The following CADM1 variants were observed in gnomAD, a reference collection of about 807,000 sequenced individuals.
CADM1 encodes the protein cell adhesion molecule 1, also known as TSLC-1.
In CADM1, 15 loss-of-function variants were observed where a neutral mutation model predicts 53.1. The observed-to-expected ratio is 0.28, with a 90% CI of 0.19 to 0.44. The LOEUF (loss-of-function observed/expected upper bound fraction) is 0.44, where lower values mean the gene tolerates loss of function less well. CADM1 is among the 20% of genes least tolerant of loss of function. The pLI, the probability that CADM1 is intolerant of heterozygous loss-of-function variation, is 1.00. For missense variants in CADM1, 434 were observed against 611.3 expected (o/e 0.71, Z 3.06); for synonymous variants, 281 against 243.0 (o/e 1.16, Z -1.45).
intron 1 of CADM1, among the ~76,000 whole-genome samples, chr11:115,391,605 C>G (rs1946838295): frequency 6.6e-6 from 1 of 152,174 alleles, no homozygotes; most frequent in Admixed American, 6.5e-5. Context: ...TCAACACCTG[C>G]ATCATGAAAA....
chr11:115,458,139 CT>C (rs1948718914), intron 1 of CADM1, among the ~76,000 whole-genome samples: 3 of 151,792 alleles, frequency 2.0e-5, no homozygotes, highest in Non-Finnish European at 4.4e-5. Context: ...CTCTCTCTCT[CT>C]CTAATTACAC....
chr11:115,410,084 T>C (rs1391382929), intron 1 of CADM1, among the ~76,000 whole-genome samples: 1 of 152,224 alleles, frequency 6.6e-6, no homozygotes, highest in African/African-American at 2.4e-5. Context: ...TGTTAGTTAT[T>C]GGGCCCTTGG....
intron 1 of CADM1, among the ~76,000 whole-genome samples, chr11:115,331,069 A>C (rs1051665777): frequency 6.6e-6 from 1 of 152,186 alleles, no homozygotes; most frequent in Non-Finnish European, 1.5e-5. Context: ...ATCTGATTTC[A>C]ACTACAGGAA....
chr11:115,490,047 C>T (rs1039209885), intron 1 of CADM1, among the ~76,000 whole-genome samples: 18 of 152,268 alleles, frequency 1.2e-4, no homozygotes, highest in Middle Eastern at 3.4e-3. Flanking sequence ...AGAGGGTAAG[C>T]CTCACCTTTA....
intron 1 of CADM1, among the ~76,000 whole-genome samples, chr11:115,360,756 A>T (rs1469095052): frequency 6.6e-6 from 1 of 152,206 alleles, no homozygotes; most frequent in Non-Finnish European, 1.5e-5. Context: ...AAGGCAATTC[A>T]CACGTTTTCA....
intron 1 of CADM1, among the ~76,000 whole-genome samples, chr11:115,280,387 G>T (rs915465785): frequency 2.0e-5 from 3 of 152,166 alleles, no homozygotes; most frequent in Admixed American, 2.0e-4. Context: ...TTTCTTTCTA[G>T]AGGGGTTATA....
At chr11:115,318,809 G>A (rs1944743464) in intron 1 of CADM1, among the ~76,000 whole-genome samples, 1 of 152,134 alleles carries the variant, frequency 6.6e-6, no homozygotes, top group African/African-American at 2.4e-5. Context: ...CCAGCCTGTT[G>A]GAATAGGTAG....
intron 11 of CADM1, 55 bp downstream of exon 11, chr11:115,178,589 C>T: frequency 6.3e-7 from 1 of 1,578,016 alleles, no homozygotes; most frequent in East Asian, 2.3e-5. Context: ...TGTAAAGTCT[C>T]CAAAGGCAGA....
chr11:115,451,083 A>AGTGTAGTCATTGGCTTCAGTTT (rs1948561888), intron 1 of CADM1, among the ~76,000 whole-genome samples: 1 of 152,246 alleles, frequency 6.6e-6, no homozygotes, highest in African/African-American at 2.4e-5. Flanking sequence ...ATCTGGAAAT[A>AGTGTAGTCATTGGCTTCAGTTT]AAAATACTGC....
intron 1 of CADM1, among the ~76,000 whole-genome samples, chr11:115,414,726 AT>A (rs1265660280): frequency 0.019 from 1 of 54 alleles, no homozygotes; most frequent in Non-Finnish European, 0.038. Context: ...GGCATTTGTC[AT>A]CCAACTTGTC....
chr11:115,426,427 T>A (rs1029120075), intron 1 of CADM1, among the ~76,000 whole-genome samples: 1 of 152,080 alleles, frequency 6.6e-6, no homozygotes, highest in Non-Finnish European at 1.5e-5. Flanking sequence ...GTAGGGGAAG[T>A]GGGGTGCACA....
chr11:115,245,222 T>C (rs1373819785), intron 1 of CADM1, among the ~76,000 whole-genome samples: 1 of 152,200 alleles, frequency 6.6e-6, no homozygotes, highest in Non-Finnish European at 1.5e-5. Flanking sequence ...GAAAACCTTC[T>C]GCTCTATGGA....
chr11:115,324,630 T>C (rs527635594), intron 1 of CADM1, among the ~76,000 whole-genome samples: 15 of 152,280 alleles, frequency 9.9e-5, no homozygotes, highest in African/African-American at 2.9e-4. Context: ...CCTCATTCCA[T>C]AGCCAAGAAA....
chr11:115,378,995 G>A (rs896776864), intron 1 of CADM1, among the ~76,000 whole-genome samples: 5 of 152,190 alleles, frequency 3.3e-5, no homozygotes, highest in Non-Finnish European at 7.4e-5. Flanking sequence ...GTAATTTAAA[G>A]AGGTTCCCAA....
At chr11:115,456,230 C>T (rs1426423172) in intron 1 of CADM1, among the ~76,000 whole-genome samples, 1 of 151,962 alleles carries the variant, frequency 6.6e-6, no homozygotes, top group East Asian at 1.9e-4. Flanking sequence ...GAGGCAATTA[C>T]TTGCATACTT....
intron 1 of CADM1, among the ~76,000 whole-genome samples, chr11:115,391,406 A>C (rs1393974392): frequency 6.6e-6 from 1 of 152,216 alleles, no homozygotes; most frequent in African/African-American, 2.4e-5. Context: ...CCATTCTAAA[A>C]TGTGAATGGC....
chr11:115,218,093 C>A, intron 5 of CADM1, 102 bp from the exon 6 acceptor site: 1 of 767,058 alleles, frequency 1.3e-6, no homozygotes, highest in South Asian at 1.4e-5. Context: ...CACTTACTCT[C>A]TCCCATCCGA....
chr11:115,473,238 C>T (rs1949055247), intron 1 of CADM1, among the ~76,000 whole-genome samples: 1 of 152,128 alleles, frequency 6.6e-6, no homozygotes, highest in South Asian at 2.1e-4. Flanking sequence ...GCAGAAGGAT[C>T]GCTTGAGGGC....
At chr11:115,420,744 T>C (rs1277344791) in intron 1 of CADM1, among the ~76,000 whole-genome samples, 2 of 152,202 alleles carry the variant, frequency 1.3e-5, no homozygotes, top group East Asian at 3.9e-4. Context: ...TAAATCTTAA[T>C]GACCCATGCC....
Sources: gnomAD v4.1 joint callset for allele counts (sites outside exome capture counted in the v4.1 genomes callset) on GRCh38, gnomAD v4.1.1 for gene constraint, MANE v1.5 for transcripts, NCBI Gene and HGNC (gene_info 2026-07-23, HGNC 2026-07-21) for gene names.